PDCD10: variants seen among roughly 807,000 people sequenced by gnomAD.
The protein encoded by PDCD10 is programmed cell death 10, also known as programmed cell death protein 10.
PDCD10 carries 4 observed loss-of-function variants against 29.2 expected under a neutral mutation model. The ratio of observed to expected loss-of-function variants is 0.14; its 90% confidence interval spans 0.07 to 0.31. PDCD10 has a LOEUF of 0.31. Among genes scored for constraint, PDCD10 ranks in the 10% least tolerant of loss-of-function variants. The pLI is 1.00. For missense variants in PDCD10, 183 were observed against 257.9 expected, an observed-to-expected ratio of 0.71 and a Z score of 1.99; for synonymous variants, 70 against 82.2, an observed-to-expected ratio of 0.85 and a Z score of 0.80.
At chr3:167,716,307 G>A (rs1723006310) in intron 3 of PDCD10, among the ~76,000 whole-genome samples, 2 of 151,836 alleles carry the variant, frequency 1.3e-5, no homozygotes, top group African/African-American at 4.8e-5. Flanking sequence ...ATGGTTAATA[G>A]GTACTAAAAC....
intron 8 of PDCD10, among the ~76,000 whole-genome samples, chr3:167,684,680 AAGG>A (rs948122441): frequency 3.3e-5 from 5 of 152,118 alleles, no homozygotes; most frequent in African/African-American, 9.7e-5. Flanking sequence ...AACTGGCCAA[AAGG>A]AGGATTCAGA....
intron 3 of PDCD10, among the ~76,000 whole-genome samples, chr3:167,719,308 G>C (rs1172272267): frequency 6.6e-6 from 1 of 152,020 alleles, no homozygotes; most frequent in Non-Finnish European, 1.5e-5. Flanking sequence ...TTTGAAGTCT[G>C]GAGATCTTGA....
chr3:167,728,471 G>A (rs1428562335), intron 2 of PDCD10, among the ~76,000 whole-genome samples: 1 of 152,144 alleles, frequency 6.6e-6, no homozygotes, highest in Non-Finnish European at 1.5e-5. Flanking sequence ...AGTCTATCTT[G>A]AAGTAAGAGA....
intron 3 of PDCD10, among the ~76,000 whole-genome samples, chr3:167,713,463 C>A (rs1463218446): frequency 6.6e-6 from 1 of 151,732 alleles, no homozygotes; most frequent in Non-Finnish European, 1.5e-5. Flanking sequence ...CTTTAAGTGC[C>A]TACATCAAAA....
intron 2 of PDCD10, among the ~76,000 whole-genome samples, chr3:167,732,237 G>A (rs1037887333): frequency 1.3e-5 from 2 of 152,142 alleles, no homozygotes; most frequent in Admixed American, 6.5e-5. Context: ...ACCAACTTGA[G>A]CCTCTTCATT....
At chr3:167,695,572 G>T (rs138740686) in intron 6 of PDCD10, 24 bp downstream of exon 6, 24 of 1,609,298 alleles carry the variant, frequency 1.5e-5, no homozygotes, top group East Asian at 4.5e-5. Flanking sequence ...AAGAAAAGAA[G>T]AAACAAAACA....
At chr3:167,695,540 G>C in intron 6 of PDCD10, 56 bp downstream of exon 6, 3 of 1,509,970 alleles carry the variant, frequency 2.0e-6, no homozygotes, top group Non-Finnish European at 9.2e-7. Context: ...ATGTAGATGA[G>C]TAGTTCCTCG....
Position 167,720,248 on chromosome 3 carries a change from G to T in PDCD10, c.-91C>A. 1.2e-6 allele frequency: 1 copy of T among 849,766 alleles called. No individual in the cohort carries two copies. The highest frequency in any genetic ancestry group is 1.4e-5 in the South Asian group (1 of 72,332). 52.6% of individuals were successfully genotyped at this position (849,766 alleles called of 1,614,324 possible). On this transcript the variant is annotated 5_prime_UTR_variant, in exon 3 of 9. Transcript: ENST00000392750. ...TTTCTTCTCTTTTTTGGTGATAAAA[G>T]AATTGGACACAAAAAACACACTGAT...
intron 4 of PDCD10, among the ~76,000 whole-genome samples, chr3:167,698,214 C>G (rs1291318833): frequency 6.6e-6 from 1 of 152,158 alleles, no homozygotes; most frequent in Non-Finnish European, 1.5e-5. Flanking sequence ...AAAGAAAATA[C>G]ACGCATTTAT....
rs1224433539 is a variant in PDCD10 at position 167,683,718 on chromosome 3, C to A, written c.*590G>T. 1 of 151,614 alleles carries A rather than the reference C, an allele frequency of 6.6e-6. No homozygotes were observed. Among genetic ancestry groups the A allele is most frequent in the Non-Finnish European group, 1.5e-5 (1 of 67,836 alleles). The allele number at this position is 151,614 out of a possible 1,614,324, so 9.4% of individuals were successfully genotyped here. A position where few individuals can be genotyped will look rare whatever the true frequency, so the allele number is the denominator to read the frequency against. ...TTAACAAAAATATTTCCATTGACTA[C>A]TCTGTGTCCAAAGTGATTAAGGACA... On this transcript the variant is annotated 3_prime_UTR_variant, in exon 9 of 9. Transcript: ENST00000392750.
At chr3:167,700,390 T>C (rs533433710) in intron 4 of PDCD10, among the ~76,000 whole-genome samples, 4 of 152,114 alleles carry the variant, frequency 2.6e-5, no homozygotes, top group East Asian at 1.9e-4. Flanking sequence ...ACTAGTGATG[T>C]TGGAAGTGTG....
chr3:167,689,950 G>A lies in PDCD10; in HGVS notation c.396-2257C>T, dbSNP rs79142567. Among the ~76,000 whole-genome samples, 1,212 of 152,212 alleles carry A rather than the reference G, an allele frequency of 8.0e-3. 91 individuals carry two copies. The East Asian group carries it at 0.17, about 22-fold the overall frequency. On this transcript the variant is annotated intron_variant, in intron 6 of 8. Transcript: ENST00000392750. ...TTTATGGCACCAAGGTGTGCACATA[G>A]AGAAGCTAAATTATATTAGTAACTA...
intron 2 of PDCD10, among the ~76,000 whole-genome samples, chr3:167,732,221 C>G (rs1287014155): frequency 2.0e-5 from 3 of 152,284 alleles, no homozygotes; most frequent in Middle Eastern, 6.8e-3. Context: ...AGTTACAAGT[C>G]ACTTAACCAA....
In PDCD10 at chr3:167,683,840, CATATATATATATATAT is replaced by C; in HGVS notation, c.*452_*467del. The C allele has an allele frequency of 7.4e-6, 1 of 135,638 alleles. No individual in the cohort carries two copies. Among genetic ancestry groups the C allele is most frequent in the African/African-American group, 2.7e-5 (1 of 37,410 alleles). The allele number at this position is 135,638 out of a possible 1,614,324, so 8.4% of individuals were successfully genotyped here. A position where few individuals can be genotyped will look rare whatever the true frequency, so the allele number is the denominator to read the frequency against. On this transcript the variant is annotated 3_prime_UTR_variant, in exon 9 of 9. Coordinates refer to ENST00000392750, the MANE Select transcript of PDCD10 (RefSeq NM_007217.4). Reference sequence around the variant, plus strand: ...CACCAAGTTGTCTTGGTCTTCTGTTCATATATATATATATATATATATATATACACACATATATATA... The same window carrying C: ...CACCAAGTTGTCTTGGTCTTCTGTTCATATATATATACACACATATATATA...
intron 8 of PDCD10, among the ~76,000 whole-genome samples, chr3:167,685,396 C>CAAAA (rs1184281849): frequency 3.6e-4 from 20 of 55,922 alleles, no homozygotes; most frequent in East Asian, 1.7e-3. Context: ...ACTCTGTCTC[C>CAAAA]AAAAAAAAAA....
chr3:167,722,977 T>C (rs898152493), intron 2 of PDCD10, among the ~76,000 whole-genome samples: 9 of 152,238 alleles, frequency 5.9e-5, no homozygotes, highest in Admixed American at 3.3e-4. Flanking sequence ...GGCAACATCA[T>C]GGGCTACATA....
rs767487003 is a variant in PDCD10 at position 167,683,662 on chromosome 3, C to G, written c.*646G>C. On this transcript the variant is annotated 3_prime_UTR_variant, in exon 9 of 9. Coordinates refer to ENST00000392750, the MANE Select transcript of PDCD10 (RefSeq NM_007217.4). ...AAGTCGTTTAAAACAGGTTGGAAAT[C>G]ATATAAAAATACTCAGTACCTTATA... 2 of 151,772 alleles carry G rather than the reference C, an allele frequency of 1.3e-5. No individual in the cohort carries two copies. The highest frequency in any genetic ancestry group is 2.9e-5 in the Non-Finnish European group (2 of 67,872). 9.4% of individuals were successfully genotyped at this position (151,772 alleles called of 1,614,324 possible).
intron 2 of PDCD10, among the ~76,000 whole-genome samples, chr3:167,726,738 A>C (rs577769845): frequency 6.6e-6 from 1 of 152,316 alleles, no homozygotes; most frequent in African/African-American, 2.4e-5. Flanking sequence ...AATCGATTGC[A>C]ACTAGGGTGA....
chr3:167,713,736 T>C (rs926641038), intron 3 of PDCD10, among the ~76,000 whole-genome samples: 21 of 151,830 alleles, frequency 1.4e-4, no homozygotes, highest in African/African-American at 2.9e-4. Flanking sequence ...ACTGATACCA[T>C]AGAAACTCAA....
Sources: gnomAD v4.1 joint callset for allele counts (sites outside exome capture counted in the v4.1 genomes callset) on GRCh38, gnomAD v4.1.1 for gene constraint, MANE v1.5 for transcripts, NCBI Gene and HGNC (gene_info 2026-07-23, HGNC 2026-07-21) for gene names.